The following ZSCAN5A variants were observed in gnomAD, a reference collection of about 807,000 sequenced individuals.
The protein encoded by ZSCAN5A is zinc finger and SCAN domain-containing protein 5A.
Under a neutral mutation model 23.7 loss-of-function variants are expected in ZSCAN5A, and 12 were observed. The observed-to-expected ratio is 0.51, with a 90% CI of 0.32 to 0.82. The LOEUF (loss-of-function observed/expected upper bound fraction) is 0.82. ZSCAN5A is among the 40% of genes least tolerant of loss of function. The pLI is 0.03. For synonymous variants in ZSCAN5A, 257 were observed against 239.9 expected (o/e 1.07, Z -0.66); for missense variants, 597 against 617.9 (o/e 0.97, Z 0.36).
chr19:56,318,598 G>A (rs8109832), upstream of ZSCAN5A, among the ~76,000 whole-genome samples: 3,369 of 152,232 alleles, frequency 0.022, 116 homozygotes, highest in African/African-American at 0.072. Context: ...TGCAAACATT[G>A]CAAGTTATAG....
chr19:56,239,245 T>C (rs2035219966), intron 2 of ZSCAN5A, among the ~76,000 whole-genome samples: 1 of 152,204 alleles, frequency 6.6e-6, no homozygotes, highest in Middle Eastern at 3.2e-3. Context: ...TGTTAAGTGT[T>C]AGATGAGAAA....
intron 2 of ZSCAN5A, among the ~76,000 whole-genome samples, chr19:56,231,082 G>A (rs912267315): frequency 5.9e-5 from 9 of 152,268 alleles, no homozygotes; most frequent in African/African-American, 1.9e-4. Flanking sequence ...GCATTATGGT[G>A]CAAGCCTGTA....
At chr19:56,248,503 C>T (rs920104964) in intron 2 of ZSCAN5A, among the ~76,000 whole-genome samples, 1 of 152,136 alleles carries the variant, frequency 6.6e-6, no homozygotes, top group Non-Finnish European at 1.5e-5. Flanking sequence ...AAGTGATCTG[C>T]CTGCCTCGGC....
chr19:56,335,539 A>G (rs2041527235), intron 2 of ZSCAN5A, among the ~76,000 whole-genome samples: 1 of 152,132 alleles, frequency 6.6e-6, no homozygotes, highest in African/African-American at 2.4e-5. Context: ...TCTTTATCCA[A>G]TTTGCCAGTC....
At chr19:56,260,326 T>G (rs527859984) in intron 2 of ZSCAN5A, among the ~76,000 whole-genome samples, 3 of 151,318 alleles carry the variant, frequency 2.0e-5, no homozygotes, top group African/African-American at 7.3e-5. Flanking sequence ...GCAATTCTCC[T>G]GCCTTAGCCT....
chr19:56,320,961 TAGC>T, intron 2 of ZSCAN5A: 1 of 738,048 alleles, frequency 1.4e-6, no homozygotes, highest in South Asian at 1.4e-5. Flanking sequence ...TGGGTTTTGA[TAGC>T]AGCATTTAGG....
chr19:56,327,655 T>C (rs143227407), intron 2 of ZSCAN5A, among the ~76,000 whole-genome samples: 26 of 151,572 alleles, frequency 1.7e-4, no homozygotes, highest in African/African-American at 5.5e-4. Flanking sequence ...GCATATCTTA[T>C]ACTATCTAGG....
chr19:56,245,310 C>G (rs751309900), intron 2 of ZSCAN5A: 26 of 740,148 alleles, frequency 3.5e-5, no homozygotes, highest in South Asian at 3.3e-4. Context: ...AGAGATGATC[C>G]GAGAGGCGTG....
chr19:56,358,746 A>T (rs955681225), intron 2 of ZSCAN5A, among the ~76,000 whole-genome samples: 1 of 152,232 alleles, frequency 6.6e-6, no homozygotes, highest in South Asian at 2.1e-4. Context: ...AGCACAATCA[A>T]ATTAGAACTC....
intron 2 of ZSCAN5A, among the ~76,000 whole-genome samples, chr19:56,328,858 G>A (rs1405575235): frequency 1.3e-5 from 2 of 151,554 alleles, no homozygotes; most frequent in African/African-American, 4.8e-5. Flanking sequence ...AGCTGGGCAT[G>A]GTGGCGGGCA....
intron 2 of ZSCAN5A, among the ~76,000 whole-genome samples, chr19:56,335,462 T>A (rs2041526606): frequency 6.6e-6 from 1 of 152,248 alleles, no homozygotes; most frequent in South Asian, 2.1e-4. Flanking sequence ...TCCCTTTATT[T>A]TGAGCCTATG....
At chr19:56,286,195 T>C (rs531620705) in intron 2 of ZSCAN5A, among the ~76,000 whole-genome samples, 93 of 151,946 alleles carry the variant, frequency 6.1e-4, no homozygotes, top group African/African-American at 2.0e-3. Flanking sequence ...CTAATTTTTG[T>C]ATTATTAGTA....
chr19:56,229,055 G>A (rs1332933035), intron 2 of ZSCAN5A, among the ~76,000 whole-genome samples: 1 of 152,200 alleles, frequency 6.6e-6, no homozygotes, highest in Non-Finnish European at 1.5e-5. Flanking sequence ...AGCACGAAAA[G>A]CCTTAACGGT....
intron 2 of ZSCAN5A, among the ~76,000 whole-genome samples, chr19:56,279,567 C>T (rs1321374584): frequency 1.3e-5 from 2 of 152,026 alleles, no homozygotes; most frequent in African/African-American, 4.8e-5. Flanking sequence ...CGTAAGTGTC[C>T]CATATGGGGT....
intron 2 of ZSCAN5A, among the ~76,000 whole-genome samples, chr19:56,337,706 G>A (rs945666374): frequency 2.0e-5 from 3 of 152,188 alleles, no homozygotes; most frequent in African/African-American, 7.2e-5. Context: ...GACTGGAGCT[G>A]TTCCTATTCA....
intron 2 of ZSCAN5A, among the ~76,000 whole-genome samples, chr19:56,362,145 G>C (rs373355926): frequency 2.8e-4 from 39 of 140,726 alleles, no homozygotes; most frequent in African/African-American, 9.7e-4. Context: ...GCGACAGAGT[G>C]AGACTCCGTC....
At position 56,351,818 on chromosome 19, in the gene ZSCAN5A, G is replaced by A. The variant is rs546351661; in HGVS notation, c.-358+11417C>T. Among the ~76,000 whole-genome samples, 1 of 152,332 alleles carries A rather than the reference G, an allele frequency of 6.6e-6. No homozygotes were observed. The highest frequency in any genetic ancestry group is 2.4e-5 in the African/African-American group (1 of 41,578). ...GTGCCGCTAAGATTGCACAGGTGCA[G>A]CGAATACGAACCTGGGAAGACTGTG... On this transcript the variant is annotated intron_variant, in intron 2 of 6. Transcript: ENST00000587340. This position sits in a 1 kb window ranked among gnomAD's most constrained non-coding sequence, Gnocchi z 4.8.
intron 2 of ZSCAN5A, among the ~76,000 whole-genome samples, chr19:56,279,427 GAAA>G (rs2038514065): frequency 6.6e-6 from 1 of 152,178 alleles, no homozygotes; most frequent in South Asian, 2.1e-4. Flanking sequence ...TTGCAAAATG[GAAA>G]GGACTGTGAG....
intron 2 of ZSCAN5A, chr19:56,246,846 C>T (rs969684741): frequency 1.2e-5 from 20 of 1,611,310 alleles, no homozygotes; most frequent in East Asian, 2.2e-5. Context: ...CGACTCACAG[C>T]GGGAGCAGAG....
Sources: allele counts gnomAD v4.1 joint callset (sites outside exome capture counted in the v4.1 genomes callset), GRCh38; gene constraint gnomAD v4.1.1; non-coding constraint Gnocchi (gnomAD v3.1); transcripts MANE v1.5; gene names NCBI Gene and HGNC (gene_info 2026-07-23, HGNC 2026-07-21).